SLC37A1: variants seen among roughly 807,000 people sequenced by gnomAD.
The protein encoded by SLC37A1 is solute carrier family 37 member 1, also known as glucose-6-phosphate exchanger SLC37A1.
A neutral mutation model predicts 75.3 loss-of-function variants in SLC37A1; 49 were observed. The observed-to-expected ratio is 0.65, with a 90% CI of 0.52 to 0.83. The LOEUF is 0.83. Among genes scored for constraint, SLC37A1 ranks in the 40% least tolerant of loss-of-function variants. The pLI, the probability that SLC37A1 is intolerant of heterozygous loss-of-function variation, is 0.00. For synonymous variants in SLC37A1, 268 were observed against 292.1 expected, an observed-to-expected ratio of 0.92 and a Z score of 0.84; for missense variants, 566 against 695.0, an observed-to-expected ratio of 0.81 and a Z score of 2.09.
intron 16 of SLC37A1, 54 bp from the exon 17 acceptor site, chr21:42,568,306 G>A (rs1385277234): frequency 6.9e-7 from 1 of 1,441,634 alleles, no homozygotes; most frequent in African/African-American, 1.4e-5. Flanking sequence ...AGAGGCTTAG[G>A]TTTACTTCTC....
At chr21:42,538,144 A>C (rs530993663) in intron 5 of SLC37A1, among the ~76,000 whole-genome samples, 1 of 152,372 alleles carries the variant, frequency 6.6e-6, no homozygotes, top group East Asian at 1.9e-4. Context: ...CCCAGCTCTC[A>C]GGAGCCCATC....
At chr21:42,576,859 A>G (rs1020143250) in intron 18 of SLC37A1, among the ~76,000 whole-genome samples, 1 of 152,206 alleles carries the variant, frequency 6.6e-6, no homozygotes, top group Non-Finnish European at 1.5e-5. Context: ...AATTCAGCAC[A>G]AAAAGAGAGA....
intron 13 of SLC37A1, 124 bp downstream of exon 13, chr21:42,564,001 C>T: frequency 9.1e-7 from 1 of 1,103,976 alleles, no homozygotes; most frequent in Non-Finnish European, 1.3e-6. Flanking sequence ...TGGGCCCAGC[C>T]CAAGAGGGTC....
chr21:42,580,653 A>G lies in SLC37A1; in HGVS notation c.*293A>G. On this transcript the variant is annotated 3_prime_UTR_variant, in exon 20 of 20. Coordinates refer to ENST00000352133, the MANE Select transcript of SLC37A1 (RefSeq NM_001320537.2). ...GGCGTGTGCCCATGCAGCCACCCAA[A>G]TGCACGCGTGACAACAAGGCCGGGA... The G allele has an allele frequency of 7.7e-6, 2 of 261,068 alleles. No individual in the cohort carries two copies. The highest frequency in any genetic ancestry group is 7.4e-6 in the Non-Finnish European group (1 of 135,492). 16.2% of individuals were successfully genotyped at this position (261,068 alleles called of 1,614,324 possible). A position where few individuals can be genotyped will look rare whatever the true frequency, so the allele number is the denominator to read the frequency against.
intron 3 of SLC37A1, among the ~76,000 whole-genome samples, chr21:42,534,255 A>G (rs1468349675): frequency 6.6e-6 from 1 of 152,108 alleles, no homozygotes; most frequent in Non-Finnish European, 1.5e-5. Flanking sequence ...TGTGAGGTTC[A>G]TCCTCATTGT....
rs76042482 is a variant in SLC37A1, at chr21:42,506,911, C to G, written c.-179+4494C>G. On this transcript the variant is annotated intron_variant, in intron 2 of 20. Coordinates refer to the SLC37A1 transcript ENST00000398341. ...TTTTTTTTTCTTTTTGAGACAGACT[C>G]TCACTCTGTCACCAAGGCTGGAGTG... Among the ~76,000 whole-genome samples, 293 of 152,182 alleles carry G rather than the reference C, an allele frequency of 1.9e-3. 3 individuals are homozygous for G. The East Asian group carries it at 0.05, about 26-fold the overall frequency.
intron 13 of SLC37A1, 150 bp downstream of exon 13, chr21:42,564,027 G>A: frequency 1.2e-6 from 1 of 811,194 alleles, no homozygotes. Context: ...GTCACCTGGG[G>A]GTGGTTTTAT....
chr21:42,572,149 C>A (rs1451366615), intron 17 of SLC37A1, among the ~76,000 whole-genome samples: 1 of 152,164 alleles, frequency 6.6e-6, no homozygotes. Context: ...CTCTTCAGAA[C>A]CCCCGTCTTC....
At position 42,559,010 on chromosome 21, in the gene SLC37A1, C is replaced by T. The variant is rs765779791; in HGVS notation, c.902C>T (p.Pro301Leu). Residue 301 changes from proline (P) to leucine (L), a missense_variant, in exon 11 of 20, where the codon CCG becomes CTG. Physicochemically the swap from Pro to Leu is moderately conservative, Grantham distance 98 (BLOSUM62 -3). Coordinates refer to ENST00000352133, the MANE Select transcript of SLC37A1 (RefSeq NM_001320537.2). The part of the protein sequence containing the change: ...LLSDGKGSIH[P>L]NHVVILPGDG... ...TCAGATGGGAAGGGCTCCATCCACCCGAACCACGTCGTCATTCTCCCCGGG... is the reference window on the plus strand; with the variant it reads ...TCAGATGGGAAGGGCTCCATCCACCTGAACCACGTCGTCATTCTCCCCGGG... The T allele has an allele frequency of 1.2e-5, 20 of 1,613,754 alleles. No individual in the cohort carries two copies. Among genetic ancestry groups the T allele is most frequent in the East Asian group, 6.7e-5 (3 of 44,862 alleles).
intron 6 of SLC37A1, 79 bp from the exon 7 acceptor site, chr21:42,542,325 C>A: frequency 7.7e-7 from 1 of 1,293,276 alleles, no homozygotes; most frequent in Non-Finnish European, 1.1e-6. Context: ...GTAAGTGGAG[C>A]AAGCTCTGTG....
At chr21:42,565,778 A>G (rs1247762134) in intron 14 of SLC37A1, 49 bp from the exon 15 acceptor site, 2 of 1,566,076 alleles carry the variant, frequency 1.3e-6, no homozygotes, top group East Asian at 2.2e-5. Context: ...GCAATCTCGC[A>G]CTGCTTGCAG....
chr21:42,503,689 T>G (rs2054360958), intron 2 of SLC37A1, among the ~76,000 whole-genome samples: 1 of 152,242 alleles, frequency 6.6e-6, no homozygotes, highest in Non-Finnish European at 1.5e-5. Flanking sequence ...GCATACCTGC[T>G]TGTTTGAATT....
chr21:42,554,982 G>GGTTTTTTTTTTTTTTTTTTTTTT lies in SLC37A1; in HGVS notation c.849+840_849+841insGTTTTTTTTTTTTTTTTTTTTTT, dbSNP rs368777229. Among the ~76,000 whole-genome samples the GGTTTTTTTTTTTTTTTTTTTTTT allele has an allele frequency of 2.6e-5, 3 of 116,598 alleles. 1 individual carries two copies. Among genetic ancestry groups the GGTTTTTTTTTTTTTTTTTTTTTT allele is most frequent in the Non-Finnish European group, 3.6e-5 (2 of 55,044 alleles). The allele number at this position is 116,598 out of a possible 152,430, so 76.5% of individuals were successfully genotyped here. On this transcript the variant is annotated intron_variant, in intron 10 of 19. Coordinates refer to ENST00000352133, the MANE Select transcript of SLC37A1 (RefSeq NM_001320537.2). ...TTTTTGTTTGTTTGGTTGGTTGGTT[G>GGTTTTTTTTTTTTTTTTTTTTTT]TTTTTTTTTTTTTTTTTTTTTGAGA...
At chr21:42,534,613 G>A (rs1462211906) in intron 3 of SLC37A1, 85 bp from the exon 4 acceptor site, 2 of 1,485,118 alleles carry the variant, frequency 1.3e-6, no homozygotes, top group Non-Finnish European at 1.8e-6. Context: ...GGGAGAGGAG[G>A]GGTGACTGTT....
chr21:42,549,813 G>A (rs2055512953), intron 9 of SLC37A1, among the ~76,000 whole-genome samples: 1 of 152,190 alleles, frequency 6.6e-6, no homozygotes, highest in Admixed American at 6.5e-5. Flanking sequence ...CCATGTGGAA[G>A]TGTTATTTTT....
intron 6 of SLC37A1, among the ~76,000 whole-genome samples, 175 bp downstream of exon 6, chr21:42,539,822 T>G (rs1025188210): frequency 7.2e-5 from 11 of 152,244 alleles, no homozygotes; most frequent in African/African-American, 2.4e-4. Context: ...GCTTAGAAAT[T>G]CCAGCAACCA....
upstream of SLC37A1, among the ~76,000 whole-genome samples, chr21:42,510,573 A>C (rs182500700): frequency 1.6e-3 from 247 of 152,258 alleles, 2 homozygotes; most frequent in African/African-American, 5.5e-3. Flanking sequence ...AAAAGATAGA[A>C]GTGGCTGAAT....
chr21:42,547,743 C>T lies in SLC37A1; in HGVS notation c.768+603C>T, dbSNP rs1251658934. On this transcript the variant is annotated intron_variant, in intron 9 of 19. Coordinates refer to ENST00000352133, the MANE Select transcript of SLC37A1 (RefSeq NM_001320537.2). The surrounding 1 kb of genome is among the most constrained non-coding windows in gnomAD (Gnocchi z 6.1). Reference sequence around the variant, plus strand: ...GTCCCCTCCCTCTCATGGCCCAGGGCTTGACTCCCGCAGACACACCCCCCG... The same window carrying T: ...GTCCCCTCCCTCTCATGGCCCAGGGTTTGACTCCCGCAGACACACCCCCCG... The T allele has an allele frequency of 4.5e-5, 7 of 153,936 alleles. No homozygotes were observed. The highest frequency in any genetic ancestry group is 1.4e-4 in the African/African-American group (6 of 41,454). 9.5% of individuals were successfully genotyped at this position (153,936 alleles called of 1,614,324 possible).
intron 17 of SLC37A1, among the ~76,000 whole-genome samples, chr21:42,573,996 C>T (rs1243247417): frequency 1.0e-5 from 1 of 98,570 alleles, no homozygotes; most frequent in Non-Finnish European, 2.1e-5. Context: ...CATTTTAGTA[C>T]ATGTGGTTCA....
Sources: gnomAD v4.1 joint callset for allele counts (sites outside exome capture counted in the v4.1 genomes callset) on GRCh38, gnomAD v4.1.1 for gene constraint, Gnocchi (gnomAD v3.1) non-coding constraint, MANE v1.5 for transcripts, NCBI Gene and HGNC (gene_info 2026-07-23, HGNC 2026-07-21) for gene names.